PCBP3: variants seen among roughly 807,000 people sequenced by gnomAD.
PCBP3 encodes poly(rC)-binding protein 3.
Under a neutral mutation model 52.7 loss-of-function variants are expected in PCBP3, and 25 were observed. That is an observed-to-expected ratio of 0.47 (90% confidence interval 0.35 to 0.66). The LOEUF is 0.66. Ranked by LOEUF, PCBP3 falls within the 30% of genes least tolerant of loss-of-function variation. The probability of loss-of-function intolerance (pLI) is 0.01; values close to 1 mark genes in which losing one functional copy is unlikely to be tolerated. For synonymous variants in PCBP3, 162 were observed against 183.0 expected (o/e 0.89, Z 0.93); for missense variants, 391 against 490.3 (o/e 0.80, Z 1.91).
At chr21:45,665,187 A>T (rs2147156269) in intron 1 of PCBP3, among the ~76,000 whole-genome samples, 1 of 152,154 alleles carries the variant, frequency 6.6e-6, no homozygotes, top group African/African-American at 2.4e-5. Context: ...GGATCACTTG[A>T]GGCCAGGAGT....
chr21:45,839,843 C>T (rs377253566), intron 4 of PCBP3, among the ~76,000 whole-genome samples: 1 of 151,970 alleles, frequency 6.6e-6, no homozygotes, highest in African/African-American at 2.4e-5. Flanking sequence ...CCCGCCACCA[C>T]ACCTGGCTAA....
chr21:45,824,905 G>A (rs1440929930), intron 4 of PCBP3, among the ~76,000 whole-genome samples: 1 of 152,228 alleles, frequency 6.6e-6, no homozygotes, highest in Non-Finnish European at 1.5e-5. Flanking sequence ...GTAAAAAGTG[G>A]AACAGCCCAG....
In PCBP3 at chr21:45,880,835, G is replaced by A. The variant is rs577255327; in HGVS notation, c.11-15373G>A. ...CAGGGAGCCAGCGGGAGGGCAGGGA[G>A]CAGTGACAAACAAGACCAAGGGGGT... On this transcript the variant is annotated intron_variant, in intron 5 of 17. Coordinates refer to ENST00000681687, the MANE Select transcript of PCBP3 (RefSeq NM_001384156.1). The surrounding 1 kb of genome is among the most constrained non-coding windows in gnomAD (Gnocchi z 5.4). Among the ~76,000 whole-genome samples, 1 of 152,224 alleles carries A rather than the reference G, an allele frequency of 6.6e-6. No individual in the cohort carries two copies. The highest frequency in any genetic ancestry group is 1.5e-5 in the Non-Finnish European group (1 of 68,038).
chr21:45,939,883 G>A (rs1185524051), intron 16 of PCBP3, 147 bp from the exon 17 acceptor site: 3 of 671,250 alleles, frequency 4.5e-6, no homozygotes, highest in Admixed American at 5.3e-5. Flanking sequence ...GGTGTGGGCG[G>A]GGCCTCTCCG....
chr21:45,934,493 AC>A (rs1879841848), intron 15 of PCBP3, among the ~76,000 whole-genome samples: 1 of 152,098 alleles, frequency 6.6e-6, no homozygotes, highest in South Asian at 2.1e-4. Context: ...GATCAATTAG[AC>A]CCATATTGTC....
intron 4 of PCBP3, among the ~76,000 whole-genome samples, chr21:45,782,848 G>A (rs945148455): frequency 1.3e-4 from 20 of 152,200 alleles, no homozygotes; most frequent in African/African-American, 4.3e-4. Flanking sequence ...GCCGGCATAC[G>A]GCACAATCTC....
In PCBP3 at chr21:45,931,633, C is replaced by T. The variant is rs139353902; in HGVS notation, c.856+788C>T. ...TCATAAGAAACAGACTCACCTGGGC[C>T]GTGCTGTCCTGAGATGAGTGAACAC... On this transcript the variant is annotated intron_variant, in intron 15 of 17. Transcript: ENST00000681687. 3.6e-3 allele frequency among the ~76,000 whole-genome samples: 544 copies of T among 152,390 alleles called. 3 individuals are homozygous for T. Among genetic ancestry groups the T allele is most frequent in the African/African-American group, 0.013 (530 of 41,596 alleles).
At position 45,758,064 on chromosome 21, in the gene PCBP3, A is replaced by G. The variant is rs573824875; in HGVS notation, c.-126+2612A>G. 8.6e-5 allele frequency among the ~76,000 whole-genome samples: 13 copies of G among 151,890 alleles called. No homozygotes were observed. In the East Asian group the frequency reaches 2.5e-3, roughly 29 times the overall value. On this transcript the variant is annotated intron_variant, in intron 4 of 17. Coordinates refer to ENST00000681687, the MANE Select transcript of PCBP3 (RefSeq NM_001384156.1). ...CCACCATGCCCAGCTAATTTTTTGTATTTTAGTAGAGACGGGGTTTCACCA... is the reference window on the plus strand; with the variant it reads ...CCACCATGCCCAGCTAATTTTTTGTGTTTTAGTAGAGACGGGGTTTCACCA...
chr21:45,878,332 C>T (rs2095318403), intron 5 of PCBP3, among the ~76,000 whole-genome samples: 4 of 152,246 alleles, frequency 2.6e-5, no homozygotes, highest in Admixed American at 2.6e-4. Flanking sequence ...GCCCTTCTGC[C>T]TCTTGGCCTT....
At position 45,880,793 on chromosome 21, in the gene PCBP3, G is replaced by A. The variant is rs1377768074; in HGVS notation, c.11-15415G>A. On this transcript the variant is annotated intron_variant, in intron 5 of 17. Coordinates refer to ENST00000681687, the MANE Select transcript of PCBP3 (RefSeq NM_001384156.1). This position sits in a 1 kb window ranked among gnomAD's most constrained non-coding sequence, Gnocchi z 5.4. ...ATAAGTGGGTGGGAGAACTCACCCTGTCCCTGCCACGGAAGCCAGGGAGCC... is the reference window on the plus strand; with the variant it reads ...ATAAGTGGGTGGGAGAACTCACCCTATCCCTGCCACGGAAGCCAGGGAGCC... Among the ~76,000 whole-genome samples the A allele has an allele frequency of 1.3e-5, 2 of 152,176 alleles. No homozygotes were observed. Among genetic ancestry groups the A allele is most frequent in the African/African-American group, 4.8e-5 (2 of 41,436 alleles).
intron 5 of PCBP3, among the ~76,000 whole-genome samples, chr21:45,876,034 T>C (rs1459933428): frequency 6.6e-6 from 1 of 152,156 alleles, no homozygotes; most frequent in Non-Finnish European, 1.5e-5. Flanking sequence ...TGGACCCTTT[T>C]TCATGGGCCA....
At chr21:45,654,624 C>T (rs2079897116) in intron 1 of PCBP3, among the ~76,000 whole-genome samples, 2 of 152,126 alleles carry the variant, frequency 1.3e-5, no homozygotes, top group African/African-American at 4.8e-5. Context: ...TAGGCGTGAG[C>T]CACCGCGCCT....
In PCBP3 at chr21:45,788,714, G is replaced by C. The variant is rs2091326675; in HGVS notation, c.-126+33262G>C. ...CTAACGGCCTCTCAGATGCTGACCTGCTTCATGTCTATTTCCTTTTACAGG... is the reference window on the plus strand; with the variant it reads ...CTAACGGCCTCTCAGATGCTGACCTCCTTCATGTCTATTTCCTTTTACAGG... On this transcript the variant is annotated intron_variant, in intron 4 of 17. Coordinates refer to ENST00000681687, the MANE Select transcript of PCBP3 (RefSeq NM_001384156.1). This position sits in a 1 kb window ranked among gnomAD's most constrained non-coding sequence, Gnocchi z 4.3. 6.6e-6 allele frequency: 1 copy of C among 152,134 alleles called. No individual in the cohort carries two copies. Among genetic ancestry groups the C allele is most frequent in the African/African-American group, 2.4e-5 (1 of 41,420 alleles). The allele number at this position is 152,134 out of a possible 1,614,324, so 9.4% of individuals were successfully genotyped here.
intron 4 of PCBP3, among the ~76,000 whole-genome samples, chr21:45,784,600 G>A (rs1391544192): frequency 1.3e-5 from 2 of 152,044 alleles, no homozygotes; most frequent in African/African-American, 4.8e-5. Flanking sequence ...GCCTGCAATT[G>A]CAGGCGCGCG....
intron 5 of PCBP3, among the ~76,000 whole-genome samples, chr21:45,892,439 T>C (rs913596025): frequency 1.1e-5 from 1 of 92,588 alleles, no homozygotes; most frequent in East Asian, 2.6e-4. Context: ...CAAGTGCACG[T>C]GAGGGGCGCA....
chr21:45,675,626 T>C (rs1451312795), intron 2 of PCBP3, among the ~76,000 whole-genome samples: 1 of 152,160 alleles, frequency 6.6e-6, no homozygotes, highest in Non-Finnish European at 1.5e-5. Context: ...ACCCTCTTTT[T>C]TCACCTCTTT....
intron 2 of PCBP3, among the ~76,000 whole-genome samples, chr21:45,672,975 C>T (rs976072727): frequency 6.6e-6 from 1 of 152,134 alleles, no homozygotes; most frequent in Admixed American, 6.5e-5. Context: ...TTTTTCTCTT[C>T]CCCCTGAGCT....
intron 13 of PCBP3, among the ~76,000 whole-genome samples, chr21:45,924,074 C>T (rs1368795673): frequency 8.0e-5 from 10 of 124,428 alleles, no homozygotes; most frequent in East Asian, 2.5e-4. Flanking sequence ...CACGTAAGAT[C>T]GGGTGTGCAC....
intron 4 of PCBP3, among the ~76,000 whole-genome samples, chr21:45,812,993 G>A (rs186868610): frequency 1.3e-5 from 2 of 152,094 alleles, no homozygotes; most frequent in African/African-American, 2.4e-5. Flanking sequence ...GAATGTGTGT[G>A]TATATGGTTT....
Sources: gnomAD v4.1 joint callset for allele counts (sites outside exome capture counted in the v4.1 genomes callset) on GRCh38, gnomAD v4.1.1 for gene constraint, Gnocchi (gnomAD v3.1) non-coding constraint, MANE v1.5 for transcripts, NCBI Gene and HGNC (gene_info 2026-07-23, HGNC 2026-07-21) for gene names.